Variants in ZSCAN20 observed in about 807,000 individuals in gnomAD.
ZSCAN20 encodes zinc finger and SCAN domain-containing protein 20.
A neutral mutation model predicts 97.1 loss-of-function variants in ZSCAN20; 39 were observed. That is an observed-to-expected ratio of 0.40 (90% CI 0.31 to 0.52). The LOEUF is 0.52. Among genes scored for constraint, ZSCAN20 ranks in the 20% least tolerant of loss-of-function variants. The pLI is 0.49. For missense variants in ZSCAN20, 1,115 were observed against 1,290.4 expected, an observed-to-expected ratio of 0.86 and a Z score of 2.08; for synonymous variants, 456 against 467.3, an observed-to-expected ratio of 0.98 and a Z score of 0.31.
intron 1 of ZSCAN20, among the ~76,000 whole-genome samples, chr1:33,478,148 G>A (rs1277012339): frequency 6.6e-6 from 1 of 152,084 alleles, no homozygotes; most frequent in African/African-American, 2.4e-5. Context: ...ATCACTGGAG[G>A]GTGTTTAGCA....
rs771779330 is a variant in ZSCAN20, at chr1:33,495,400, A to G, written c.3056A>G (p.Glu1019Gly). The G allele has an allele frequency of 1.9e-6, 3 of 1,601,858 alleles. No homozygotes were observed. In the East Asian group the frequency reaches 6.7e-5, roughly 36 times the overall value. The change falls in exon 8 of 8, where the codon GAG becomes GGG. Residue 1019 changes from glutamate (E) to glycine (G), a missense_variant. Glu to Gly is a moderately conservative substitution (Grantham distance 98, BLOSUM62 -2). This residue lies in a region of ZSCAN20 where 554 missense variants were observed against 584.9 expected (regional missense o/e 0.95). Transcript: ENST00000684572. ...GGGGAGAAACCCTACAAGTGCACAG[A>G]GTGTGGCAAAGACTTCAACAACAGT... ...HTGEKPYKCT[E>G]CGKDFNNSSH...
rs1653003067 is a variant in ZSCAN20, at chr1:33,499,851, C to T, written c.*4375C>T. 6.6e-6 allele frequency among the ~76,000 whole-genome samples: 1 copy of T among 152,134 alleles called. No homozygotes were observed. On this transcript the variant is annotated 3_prime_UTR_variant, in exon 8 of 8. Transcript: ENST00000684572. ...GCCTCAAGCGATCCTCCCACCTCAGCCTCCCAAAGCTCCCCTTAACCTCAG... is the reference window on the plus strand; with the variant it reads ...GCCTCAAGCGATCCTCCCACCTCAGTCTCCCAAAGCTCCCCTTAACCTCAG...
intron 2 of ZSCAN20, 106 bp downstream of exon 2, chr1:33,479,811 T>G (rs1652077076): frequency 4.8e-6 from 6 of 1,241,118 alleles, no homozygotes; most frequent in South Asian, 3.5e-5. Flanking sequence ...CAATAGTTAT[T>G]GAGAACTGAC....
At chr1:33,481,548 AC>A (rs767621575) in intron 2 of ZSCAN20, among the ~76,000 whole-genome samples, 9 of 152,230 alleles carry the variant, frequency 5.9e-5, no homozygotes, top group Non-Finnish European at 1.3e-4. Context: ...AAACAAATGG[AC>A]AAGTAGCAGA....
Position 33,479,272 on chromosome 1 carries a change from G to A in ZSCAN20, c.-17G>A. Reference sequence around the variant, plus strand: ...GATGAGGTCAGCATAGCTGAAGTGAGGTGTCTGGGTTAGACAATGGCTATG... The same window carrying A: ...GATGAGGTCAGCATAGCTGAAGTGAAGTGTCTGGGTTAGACAATGGCTATG... On this transcript the variant is annotated 5_prime_UTR_variant, in exon 2 of 8. Coordinates refer to ENST00000684572, the MANE Select transcript of ZSCAN20 (RefSeq NM_001377376.1). 1 of 1,578,628 alleles carries A rather than the reference G, an allele frequency of 6.3e-7. No homozygotes were observed. Among genetic ancestry groups the A allele is most frequent in the Non-Finnish European group, 8.6e-7 (1 of 1,160,464 alleles).
At position 33,479,626 on chromosome 1, in the gene ZSCAN20, C is replaced by T. The variant is rs1266842278; in HGVS notation, c.338C>T (p.Ala113Val). The T allele has an allele frequency of 6.2e-7, 1 of 1,611,806 alleles. No individual in the cohort carries two copies. The highest frequency in any genetic ancestry group is 2.2e-5 in the East Asian group (1 of 44,860). The change falls in exon 2 of 8, where the codon GCA becomes GTA. Residue 113 changes from alanine (A) to valine (V), a missense_variant. Coordinates refer to ENST00000684572, the MANE Select transcript of ZSCAN20 (RefSeq NM_001377376.1). ...AGGGAGGTCCAGACCTGGGTGCAGGCACGCCACCCTGAGAGTGGTGAGGAG... is the reference window on the plus strand; with the variant it reads ...AGGGAGGTCCAGACCTGGGTGCAGGTACGCCACCCTGAGAGTGGTGAGGAG... ...LPREVQTWVQARHPESGEEAV... is the reference protein window; with the variant it reads ...LPREVQTWVQVRHPESGEEAV...
chr1:33,480,779 G>A (rs538360653), intron 2 of ZSCAN20, among the ~76,000 whole-genome samples: 9 of 152,192 alleles, frequency 5.9e-5, no homozygotes, highest in Non-Finnish European at 8.8e-5. Context: ...GCAAGTGACC[G>A]CTGAAAGCCC....
At chr1:33,476,950 A>G (rs1268197128) in intron 1 of ZSCAN20, among the ~76,000 whole-genome samples, 1 of 152,228 alleles carries the variant, frequency 6.6e-6, no homozygotes, top group East Asian at 1.9e-4. Context: ...CCTGCTATTT[A>G]TCAGATACTG....
chr1:33,488,807 C>T (rs1165321425), intron 3 of ZSCAN20, among the ~76,000 whole-genome samples, 156 bp downstream of exon 3: 4 of 152,158 alleles, frequency 2.6e-5, no homozygotes, highest in East Asian at 1.9e-4. Flanking sequence ...AAGCAAGCCT[C>T]GTAAAGAGGC....
chr1:33,479,116 A>C, intron 1 of ZSCAN20, 63 bp from the exon 2 acceptor site: 3 of 640,374 alleles, frequency 4.7e-6, no homozygotes, highest in East Asian at 2.9e-5. Context: ...ATATGGGGGA[A>C]GGGGGAGAAT....
chr1:33,479,425 G>A lies in ZSCAN20; in HGVS notation c.137G>A (p.Gly46Asp), dbSNP rs202112104. 4.2e-4 allele frequency: 673 copies of A among 1,614,238 alleles called. 1 individual carries two copies. The highest frequency in any genetic ancestry group is 4.5e-4 in the Non-Finnish European group (536 of 1,180,030). Residue 46 changes from glycine to aspartate, a missense_variant, in exon 2 of 8, where the codon GGC (glycine) becomes GAC (aspartate). Transcript: ENST00000684572. ...LWEKDRGSVS[G>D]PEASRQRFRQ... ...GAGAAGGACCGTGGCTCTGTCTCTG[G>A]CCCAGAGGCCTCCCGCCAGCGCTTC...
Position 33,491,798 on chromosome 1 carries a change from A to AC in ZSCAN20, c.1444+96_1444+97insC. On this transcript the variant is annotated intron_variant, in intron 6 of 7. Transcript: ENST00000684572. The surrounding 1 kb of genome is among the most constrained non-coding windows in gnomAD (Gnocchi z 4.3). The stretch of plus-strand genomic sequence containing the variant: ...GTCAGGGCACAGGCTGCAAGTCTGG[A>AC]TTGAAGCCACTAGAGTGAAGAGCTA... 1 of 1,302,338 alleles carries AC rather than the reference A, an allele frequency of 7.7e-7. No homozygotes were observed. Among genetic ancestry groups the AC allele is most frequent in the Non-Finnish European group, 1.0e-6 (1 of 954,354 alleles). 80.7% of individuals were successfully genotyped at this position (1,302,338 alleles called of 1,614,324 possible).
intron 1 of ZSCAN20, among the ~76,000 whole-genome samples, chr1:33,473,660 A>C (rs1651815111): frequency 6.6e-6 from 1 of 152,020 alleles, no homozygotes. Context: ...TTGCCAAGAG[A>C]ACTTCTTTAA....
rs1185509007 is a variant in ZSCAN20, at chr1:33,501,114, G to A, written c.*5638G>A. ...GGGCAAGGCAGGAGAGAATCCCTCT[G>A]TGGACAGCACTTGAGAGGAAAGGGC... On this transcript the variant is annotated 3_prime_UTR_variant, in exon 8 of 8. Coordinates refer to ENST00000684572, the MANE Select transcript of ZSCAN20 (RefSeq NM_001377376.1). Among the ~76,000 whole-genome samples the A allele has an allele frequency of 6.6e-6, 1 of 152,170 alleles. No individual in the cohort carries two copies. The highest frequency in any genetic ancestry group is 1.5e-5 in the Non-Finnish European group (1 of 68,028).
Position 33,497,478 on chromosome 1 carries a change from T to C in ZSCAN20, c.*2002T>C, listed in dbSNP as rs1652916130. ...AGCATGGATTCAGGGTGGGGTTGTA[T>C]GATGGGAGGTTGGGAACAGGGAGCT... On this transcript the variant is annotated 3_prime_UTR_variant, in exon 8 of 8. Transcript: ENST00000684572. 6.6e-6 allele frequency among the ~76,000 whole-genome samples: 1 copy of C among 152,014 alleles called. No homozygotes were observed. The highest frequency in any genetic ancestry group is 1.5e-5 in the Non-Finnish European group (1 of 67,998).
At position 33,500,852 on chromosome 1, in the gene ZSCAN20, T is replaced by C. The variant is rs2148490397; in HGVS notation, c.*5376T>C. ...AGCCACAGGCCCAGGCTGGCAGAGT[T>C]GTGACTACTAGAATCTCGAGTCACT... On this transcript the variant is annotated 3_prime_UTR_variant, in exon 8 of 8. Coordinates refer to ENST00000684572, the MANE Select transcript of ZSCAN20 (RefSeq NM_001377376.1). Among the ~76,000 whole-genome samples the C allele has an allele frequency of 6.6e-6, 1 of 152,000 alleles. No homozygotes were observed. The highest frequency in any genetic ancestry group is 2.1e-4 in the South Asian group (1 of 4,814).
In ZSCAN20 at chr1:33,491,791, AG is replaced by A; in HGVS notation, c.1444+90del. On this transcript the variant is annotated intron_variant, in intron 6 of 7. Transcript: ENST00000684572. The surrounding 1 kb of genome is among the most constrained non-coding windows in gnomAD (Gnocchi z 4.3). ...CCCTGAGGTCAGGGCACAGGCTGCA[AG>A]TCTGGATTGAAGCCACTAGAGTGAA... 1 of 1,380,668 alleles carries A rather than the reference AG, an allele frequency of 7.2e-7. No individual in the cohort carries two copies. The highest frequency in any genetic ancestry group is 9.8e-7 in the Non-Finnish European group (1 of 1,022,722). The allele number at this position is 1,380,668 out of a possible 1,614,324, so 85.5% of individuals were successfully genotyped here. A position where few individuals can be genotyped will look rare whatever the true frequency, so the allele number is the denominator to read the frequency against.
chr1:33,486,322 T>C (rs991121743), intron 2 of ZSCAN20, among the ~76,000 whole-genome samples: 5 of 152,212 alleles, frequency 3.3e-5, no homozygotes, highest in African/African-American at 1.2e-4. Flanking sequence ...CAGCAGTTCA[T>C]CAATTACAGT....
At position 33,495,323 on chromosome 1, in the gene ZSCAN20, G is replaced by A; in HGVS notation, c.2979G>A (p.Gly993=). 6.2e-7 allele frequency: 1 copy of A among 1,613,408 alleles called. No individual in the cohort carries two copies. The highest frequency in any genetic ancestry group is 8.5e-7 in the Non-Finnish European group (1 of 1,179,610). Residue 993 remains glycine (G), a synonymous_variant, in exon 8 of 8, where the codon GGG becomes GGA. Transcript: ENST00000684572. ...GEKPYKCREC[G]KCFNQSSSLI... is the part of the protein sequence containing the mutation. Reference sequence around the variant, plus strand: ...AGCCGTATAAGTGCAGAGAGTGTGGGAAATGCTTTAACCAGAGCTCCAGTC... The same window carrying A: ...AGCCGTATAAGTGCAGAGAGTGTGGAAAATGCTTTAACCAGAGCTCCAGTC...
Sources: allele counts gnomAD v4.1 joint callset (sites outside exome capture counted in the v4.1 genomes callset), GRCh38; gene constraint gnomAD v4.1.1; regional missense constraint gnomAD v4.1.1; non-coding constraint Gnocchi (gnomAD v3.1); transcripts MANE v1.5; gene names NCBI Gene and HGNC (gene_info 2026-07-23, HGNC 2026-07-21).